The following SCHIP1 variants were observed in gnomAD, a reference collection of about 807,000 sequenced individuals.
The protein encoded by SCHIP1 is schwannomin-interacting protein 1.
Under a neutral mutation model 29.7 loss-of-function variants are expected in SCHIP1, and 8 were observed. The ratio of observed to expected loss-of-function variants is 0.27; its 90% CI spans 0.16 to 0.49. The LOEUF is 0.49. Among genes scored for constraint, SCHIP1 ranks in the 20% least tolerant of loss-of-function variants. The pLI, the probability that SCHIP1 is intolerant of heterozygous loss-of-function variation, is 0.99. For synonymous variants in SCHIP1, 76 were observed against 94.9 expected, an observed-to-expected ratio of 0.80 and a Z score of 1.16; for missense variants, 193 against 294.6, an observed-to-expected ratio of 0.66 and a Z score of 2.52.
At chr3:159,675,805 G>A in the SCHIP1 span, among the ~76,000 whole-genome samples, 1 of 152,160 alleles carries the variant, frequency 6.6e-6, no homozygotes, top group South Asian at 2.1e-4. Context: ...AGAAAACTTG[G>A]AGTCATGTTT....
At chr3:159,279,034 G>T in the SCHIP1 span, among the ~76,000 whole-genome samples, 1 of 152,140 alleles carries the variant, frequency 6.6e-6, no homozygotes, top group Non-Finnish European at 1.5e-5. Flanking sequence ...CATTCTGAAA[G>T]AGGCACACAT....
At chr3:159,517,030 G>T in the SCHIP1 span, among the ~76,000 whole-genome samples, 1 of 152,036 alleles carries the variant, frequency 6.6e-6, no homozygotes, top group Admixed American at 6.6e-5. Context: ...ATGCTGACAT[G>T]AATACCAGTG....
intron 1 of SCHIP1, among the ~76,000 whole-genome samples, chr3:159,842,618 C>G (rs1055864501): frequency 6.6e-6 from 1 of 152,096 alleles, no homozygotes; most frequent in Non-Finnish European, 1.5e-5. Context: ...GACTCCGCTC[C>G]TACATTCCTG....
chr3:159,707,419 A>G, the SCHIP1 span, among the ~76,000 whole-genome samples: 1 of 152,228 alleles, frequency 6.6e-6, no homozygotes, highest in East Asian at 1.9e-4. Flanking sequence ...CAGGGTTAAG[A>G]TAAATGAAAT....
upstream of SCHIP1, among the ~76,000 whole-genome samples, chr3:159,835,790 A>G (rs1433049376): frequency 6.6e-6 from 1 of 152,178 alleles, no homozygotes; most frequent in Non-Finnish European, 1.5e-5. Flanking sequence ...GACCCAGGCT[A>G]TTCACTTTCA....
chr3:159,608,040 G>A, the SCHIP1 span, among the ~76,000 whole-genome samples: 1 of 152,172 alleles, frequency 6.6e-6, no homozygotes, highest in Non-Finnish European at 1.5e-5. Flanking sequence ...GGAATTCACA[G>A]GACTATTGGG....
At chr3:159,851,883 A>C (rs1304827249) in intron 1 of SCHIP1, among the ~76,000 whole-genome samples, 1 of 152,216 alleles carries the variant, frequency 6.6e-6, no homozygotes, top group Non-Finnish European at 1.5e-5. Flanking sequence ...CCCAAATGCA[A>C]ATGTGGTTCA....
chr3:159,746,402 C>T, the SCHIP1 span, among the ~76,000 whole-genome samples: 2 of 152,290 alleles, frequency 1.3e-5, no homozygotes, highest in South Asian at 4.1e-4. Flanking sequence ...TTTATATCCA[C>T]AACACTAATG....
chr3:159,827,288 C>T, the SCHIP1 span, among the ~76,000 whole-genome samples: 24,533 of 151,978 alleles, frequency 0.16, 2,114 homozygotes, highest in African/African-American at 0.22. Context: ...CTCTTTAGTA[C>T]GAAATTTCAT....
the SCHIP1 span, among the ~76,000 whole-genome samples, chr3:159,509,754 T>A: frequency 6.6e-6 from 1 of 152,242 alleles, no homozygotes; most frequent in East Asian, 1.9e-4. Context: ...TATGAAATTC[T>A]GGGTTGAAAC....
chr3:159,579,275 C>A, the SCHIP1 span, among the ~76,000 whole-genome samples: 1 of 151,876 alleles, frequency 6.6e-6, no homozygotes, highest in Admixed American at 6.6e-5. Context: ...TTTTTATGGC[C>A]CTCAATTCCT....
the SCHIP1 span, among the ~76,000 whole-genome samples, chr3:159,546,441 A>T: frequency 2.0e-5 from 3 of 152,102 alleles, no homozygotes; most frequent in Non-Finnish European, 4.4e-5. Flanking sequence ...TCAAGGATAC[A>T]TGTACAGAAC....
At chr3:159,479,216 C>A in the SCHIP1 span, among the ~76,000 whole-genome samples, 3 of 152,068 alleles carry the variant, frequency 2.0e-5, no homozygotes, top group Admixed American at 6.6e-5. Flanking sequence ...CAATGATTAT[C>A]TCTAGTGAGA....
the SCHIP1 span, among the ~76,000 whole-genome samples, chr3:159,326,516 T>C: frequency 6.6e-6 from 1 of 152,170 alleles, no homozygotes; most frequent in Admixed American, 6.5e-5. Flanking sequence ...CTTGCCAACA[T>C]AGCCCATTTT....
the SCHIP1 span, among the ~76,000 whole-genome samples, chr3:159,457,447 T>G: frequency 1.3e-5 from 2 of 152,016 alleles, no homozygotes; most frequent in Admixed American, 1.3e-4. Flanking sequence ...GTTGCAAAAT[T>G]GGTGCTGTGC....
intron 1 of SCHIP1, among the ~76,000 whole-genome samples, chr3:159,862,864 T>C (rs2366405): frequency 0.2 from 30,055 of 152,170 alleles, 3,224 homozygotes; most frequent in Middle Eastern, 0.3. Flanking sequence ...CAGGATGTAG[T>C]GAAAGCTGCA....
chr3:159,771,734 T>C, the SCHIP1 span, among the ~76,000 whole-genome samples: 1 of 151,814 alleles, frequency 6.6e-6, no homozygotes, highest in Admixed American at 6.6e-5. Flanking sequence ...AAACCACATG[T>C]AAACAATTCT....
the SCHIP1 span, among the ~76,000 whole-genome samples, chr3:159,341,369 G>A: frequency 6.6e-6 from 1 of 151,998 alleles, no homozygotes; most frequent in Non-Finnish European, 1.5e-5. Context: ...TTTGACTTTG[G>A]GCAAATACCT....
intron 1 of SCHIP1, among the ~76,000 whole-genome samples, chr3:159,856,103 C>G (rs924768024): frequency 6.6e-6 from 1 of 152,214 alleles, no homozygotes; most frequent in Non-Finnish European, 1.5e-5. Flanking sequence ...CCCTGCCCTG[C>G]TGTGAGCAAG....
Sources: gnomAD v4.1 joint callset for allele counts (sites outside exome capture counted in the v4.1 genomes callset) on GRCh38, gnomAD v4.1.1 for gene constraint, MANE v1.5 for transcripts, NCBI Gene and HGNC (gene_info 2026-07-23, HGNC 2026-07-21) for gene names.